The following ALDH1L2 variants were observed in gnomAD, a reference collection of about 807,000 sequenced individuals.
ALDH1L2 encodes aldehyde dehydrogenase 1 family member L2, also known as mitochondrial 10-formyltetrahydrofolate dehydrogenase.
A neutral mutation model predicts 111.0 loss-of-function variants in ALDH1L2; 91 were observed. The ratio of observed to expected loss-of-function variants is 0.82; its 90% confidence interval spans 0.69 to 0.98. ALDH1L2 has a LOEUF of 0.98. ALDH1L2 is among the 50% of genes least tolerant of loss of function. ALDH1L2 has a pLI of 0.00. For missense variants in ALDH1L2, 995 were observed against 1,126.8 expected (o/e 0.88, Z 1.67); for synonymous variants, 374 against 392.6 (o/e 0.95, Z 0.56).
chr12:105,031,924 A>C lies in ALDH1L2; in HGVS notation c.2255T>G (p.Ile752Ser), dbSNP rs1166182849. ...DEFVTRVVEE[I>S]KKMKIGDPLD... Reference sequence around the variant, plus strand: ...TGGATCACCAATTTTCATCTTTTTAATTTCTTCTACCTGTATGTTACCCAG... The same window carrying C: ...TGGATCACCAATTTTCATCTTTTTACTTTCTTCTACCTGTATGTTACCCAG... The change falls in exon 20 of 23, where the codon ATT becomes AGT. Residue 752 changes from isoleucine (I) to serine (S), a missense_variant. Ile to Ser is a moderately radical substitution (Grantham distance 142). Transcript: ENST00000258494. 6.2e-7 allele frequency: 1 copy of C among 1,613,840 alleles called. No homozygotes were observed. The highest frequency in any genetic ancestry group is 1.7e-5 in the Admixed American group (1 of 59,966).
At chr12:105,040,583 A>G in intron 16 of ALDH1L2, 24 bp downstream of exon 16, 1 of 1,611,320 alleles carries the variant, frequency 6.2e-7, no homozygotes, top group South Asian at 1.1e-5. Context: ...TAGTTATAGC[A>G]CAGTCGGTCA....
At position 105,031,820 on chromosome 12, in the gene ALDH1L2, C is replaced by G. The variant is rs1411398811; in HGVS notation, c.2359G>C (p.Val787Leu). Reference protein sequence around the residue: ...EKLLQYCETGVKEGATLVYGG... With the variant: ...EKLLQYCETGLKEGATLVYGG... ...TACACCAAAGTGGCCCCTTCTTTCA[C>G]TCCAGTTTCACAGTATTGCAGCAGC... The change falls in exon 20 of 23, where the codon GTG becomes CTG. Residue 787 changes from valine to leucine, a missense_variant. Physicochemically the swap from Val to Leu is conservative, Grantham distance 32. Transcript: ENST00000258494. 1 of 1,614,214 alleles carries G rather than the reference C, an allele frequency of 6.2e-7. No homozygotes were observed. The highest frequency in any genetic ancestry group is 2.2e-5 in the East Asian group (1 of 44,890).
chr12:105,034,732 TC>T (rs760949101), intron 18 of ALDH1L2, among the ~76,000 whole-genome samples: 34 of 152,148 alleles, frequency 2.2e-4, no homozygotes, highest in Non-Finnish European at 4.0e-4. Flanking sequence ...ACGCTTGTAA[TC>T]CCAGAACTTT....
At chr12:105,039,912 C>CA in intron 16 of ALDH1L2, 106 bp from the exon 17 acceptor site, 1 of 922,954 alleles carries the variant, frequency 1.1e-6, no homozygotes. Flanking sequence ...AAGCAGATCA[C>CA]AAGGTCAGGA....
At chr12:105,044,853 A>T (rs1435147802) in intron 15 of ALDH1L2, among the ~76,000 whole-genome samples, 1 of 152,136 alleles carries the variant, frequency 6.6e-6, no homozygotes, top group Non-Finnish European at 1.5e-5. Flanking sequence ...AATATGTTTT[A>T]TCTATACAAT....
intron 22 of ALDH1L2, 64 bp downstream of exon 22, chr12:105,026,481 A>T: frequency 1.3e-6 from 2 of 1,582,420 alleles, no homozygotes; most frequent in Non-Finnish European, 1.7e-6. Context: ...GTCATGAAAC[A>T]TAGAGCAGAT....
chr12:105,069,199 T>C (rs890637842), intron 3 of ALDH1L2, among the ~76,000 whole-genome samples: 3 of 152,184 alleles, frequency 2.0e-5, no homozygotes, highest in African/African-American at 7.2e-5. Context: ...AGTTTTCTAC[T>C]TCAAGATCAA....
rs1345404851 is a variant in ALDH1L2 at position 105,021,831 on chromosome 12, AGT to A, written c.*2591_*2592del. 2 of 152,182 alleles carry A rather than the reference AGT, an allele frequency of 1.3e-5. No homozygotes were observed. The highest frequency in any genetic ancestry group is 2.9e-5 in the Non-Finnish European group (2 of 68,062). The allele number at this position is 152,182 out of a possible 1,614,324, so 9.4% of individuals were successfully genotyped here. A position where few individuals can be genotyped will look rare whatever the true frequency, so the allele number is the denominator to read the frequency against. ...TAAGAAGGCAAGTAATTTTAGTACA[AGT>A]GGTAAGTGCTATGTTTGAAACAAGT... On this transcript the variant is annotated 3_prime_UTR_variant, in exon 23 of 23. Coordinates refer to ENST00000258494, the MANE Select transcript of ALDH1L2 (RefSeq NM_001034173.4).
intron 21 of ALDH1L2, among the ~76,000 whole-genome samples, chr12:105,027,346 C>A (rs1874467563): frequency 6.6e-6 from 1 of 152,238 alleles, no homozygotes; most frequent in South Asian, 2.1e-4. Flanking sequence ...CCCACTCCCT[C>A]CCCTCTCCCA....
chr12:105,066,427 T>C (rs761573070), intron 5 of ALDH1L2, 141 bp downstream of exon 5: 1 of 680,772 alleles, frequency 1.5e-6, no homozygotes, highest in Non-Finnish European at 2.5e-6. Context: ...CTCCTGCGTA[T>C]GTCTGGCTAC....
In ALDH1L2 at chr12:105,024,428, T is replaced by A. The variant is rs1259350215; in HGVS notation, c.2768A>T (p.Tyr923Phe). ...YLKTKTVTLE[Y>F] ...TTTCCTGATGATGGTGTTGCTCTAATATTCCAGTGTCACCGTCTTGGTTTT... is the reference window on the plus strand; with the variant it reads ...TTTCCTGATGATGGTGTTGCTCTAAAATTCCAGTGTCACCGTCTTGGTTTT... The change falls in exon 23 of 23, where the codon TAT (tyrosine) becomes TTT (phenylalanine). Residue 923 changes from tyrosine (Y) to phenylalanine (F), a missense_variant. Transcript: ENST00000258494. 1 of 1,614,026 alleles carries A rather than the reference T, an allele frequency of 6.2e-7. No homozygotes were observed. The highest frequency in any genetic ancestry group is 1.1e-5 in the South Asian group (1 of 91,068).
intron 3 of ALDH1L2, 118 bp downstream of exon 3, chr12:105,070,452 C>T (rs1191279956): frequency 2.4e-6 from 2 of 835,208 alleles, no homozygotes; most frequent in African/African-American, 3.5e-5. Context: ...ATCCTGAAAT[C>T]TCAGCTACTT....
intron 20 of ALDH1L2, 38 bp from the exon 21 acceptor site, chr12:105,030,467 G>A: frequency 1.3e-6 from 2 of 1,553,706 alleles, no homozygotes; most frequent in Non-Finnish European, 1.8e-6. Flanking sequence ...TCAACTGTAG[G>A]TTAAGTCATT....
chr12:105,037,312 C>T (rs925991843), intron 18 of ALDH1L2, among the ~76,000 whole-genome samples: 1 of 152,126 alleles, frequency 6.6e-6, no homozygotes, highest in Non-Finnish European at 1.5e-5. Flanking sequence ...TTCCTTTGTG[C>T]CCTTTACCTA....
chr12:105,039,795 C>T lies in ALDH1L2; in HGVS notation c.1963G>A (p.Gly655Arg), dbSNP rs1875408908. The part of the protein sequence containing the change: ...NIIPGSGGIA[G>R]QRLSEHPDIR... ...TCAGGATGTTCAGACAGACGTTGTC[C>T]TGCTATGCCACCTGTAGAATTAGGG... is the stretch of plus-strand genomic sequence containing the variant. Residue 655 changes from glycine (G) to arginine (R), a missense_variant, in exon 17 of 23, where the codon GGA becomes AGA. By Grantham distance (125) the Gly-to-Arg change is moderately radical. Transcript: ENST00000258494. 3 of 1,613,936 alleles carry T rather than the reference C, an allele frequency of 1.9e-6. No homozygotes were observed. The East Asian group carries it at 6.7e-5, about 36-fold the overall frequency.
chr12:105,035,064 C>G (rs1016703852), intron 18 of ALDH1L2, among the ~76,000 whole-genome samples: 2 of 152,078 alleles, frequency 1.3e-5, no homozygotes, highest in South Asian at 2.1e-4. Flanking sequence ...CCCACTCTCT[C>G]TAGCCTCCCA....
chr12:105,065,220 G>A (rs752617995), intron 6 of ALDH1L2, 47 bp downstream of exon 6: 8 of 1,163,666 alleles, frequency 6.9e-6, no homozygotes, highest in Non-Finnish European at 9.4e-6. Flanking sequence ...CTCTTACAAA[G>A]GTAATAATCG....
rs770613607 is a variant in ALDH1L2 at position 105,030,316 on chromosome 12, G to A, written c.2516+8C>T. The A allele has an allele frequency of 2.5e-6, 4 of 1,604,976 alleles. No homozygotes were observed. In the South Asian group the frequency reaches 4.5e-5, roughly 18 times the overall value. On this transcript the variant is annotated splice_region_variant and intron_variant, in intron 21 of 22. Coordinates refer to ENST00000258494, the MANE Select transcript of ALDH1L2 (RefSeq NM_001034173.4). ...AAACCTAAGTTACATTGTGTCTGAAGAACCTACCCATTTTGGAATTTAGAA... is the reference window on the plus strand; with the variant it reads ...AAACCTAAGTTACATTGTGTCTGAAAAACCTACCCATTTTGGAATTTAGAA...
intron 19 of ALDH1L2, among the ~76,000 whole-genome samples, chr12:105,032,921 G>T (rs1447317969): frequency 6.6e-6 from 1 of 151,894 alleles, no homozygotes; most frequent in Non-Finnish European, 1.5e-5. Flanking sequence ...CCACTAGAAT[G>T]CTCTGACGAA....
Sources: allele counts gnomAD v4.1 joint callset (sites outside exome capture counted in the v4.1 genomes callset), GRCh38; gene constraint gnomAD v4.1.1; transcripts MANE v1.5; gene names NCBI Gene and HGNC (gene_info 2026-07-23, HGNC 2026-07-21).